The following TANC2 variants were observed in gnomAD, a reference collection of about 807,000 sequenced individuals.
TANC2 encodes the protein protein TANC2.
In TANC2, 26 loss-of-function variants were observed where a neutral mutation model predicts 210.5. That is an observed-to-expected ratio of 0.12 (90% confidence interval 0.09 to 0.17). TANC2 has a LOEUF of 0.17. TANC2 is among the 10% of genes least tolerant of loss of function. TANC2 has a pLI of 1.00. For missense variants in TANC2, 2,129 were observed against 2,608.9 expected (o/e 0.82, Z 4.01); for synonymous variants, 931 against 967.1 (o/e 0.96, Z 0.69).
At chr17:63,195,605 C>T (rs920393122) in intron 6 of TANC2, among the ~76,000 whole-genome samples, 2 of 152,130 alleles carry the variant, frequency 1.3e-5, no homozygotes, top group African/African-American at 4.8e-5. Flanking sequence ...TTGCCGTATC[C>T]TCTGCCCCTA....
Position 63,126,340 on chromosome 17 carries a change from A to C in TANC2, c.323-24930A>C, listed in dbSNP as rs145841873. On this transcript the variant is annotated intron_variant, in intron 4 of 27. Coordinates refer to ENST00000689528, the Ensembl canonical transcript of TANC2. The stretch of plus-strand genomic sequence containing the variant: ...TGAATGCCTTCGGCTAAGCAGGCCA[A>C]AGCAGATAACACTATTATGATGTTA... Among the ~76,000 whole-genome samples, 631 of 152,328 alleles carry C rather than the reference A, an allele frequency of 4.1e-3. 5 individuals are homozygous for C. The highest frequency in any genetic ancestry group is 0.013 in the African/African-American group (550 of 41,568).
chr17:63,180,090 G>A (rs1048624685), intron 5 of TANC2, among the ~76,000 whole-genome samples: 5 of 151,796 alleles, frequency 3.3e-5, no homozygotes, highest in African/African-American at 9.7e-5. Context: ...GGCTGATCGT[G>A]TCACTGAACT....
intron 25 of TANC2, among the ~76,000 whole-genome samples, chr17:63,415,193 T>G (rs182417881): frequency 6.6e-6 from 1 of 152,338 alleles, no homozygotes; most frequent in Non-Finnish European, 1.5e-5. Context: ...ATATGTGTTA[T>G]AGAGAGCAAA....
intron 2 of TANC2, among the ~76,000 whole-genome samples, chr17:63,043,602 A>C (rs1178741902): frequency 6.6e-6 from 1 of 152,138 alleles, no homozygotes; most frequent in African/African-American, 2.4e-5. Context: ...CTTTTCCTCT[A>C]GTAATTGAAG....
At chr17:63,210,892 CT>C (rs974502804) in intron 7 of TANC2, among the ~76,000 whole-genome samples, 2 of 151,988 alleles carry the variant, frequency 1.3e-5, no homozygotes, top group African/African-American at 4.8e-5. Context: ...AGTTTTTAAT[CT>C]TTTTAAAATT....
intron 4 of TANC2, among the ~76,000 whole-genome samples, chr17:63,135,290 G>T (rs1396574932): frequency 1.3e-5 from 2 of 152,160 alleles, no homozygotes; most frequent in African/African-American, 4.8e-5. Flanking sequence ...TATCTGTTAT[G>T]TACTGTTGCA....
In TANC2 at chr17:63,104,920, G is replaced by C. The variant is rs897972378; in HGVS notation, c.322+5563G>C. On this transcript the variant is annotated intron_variant, in intron 4 of 27. Transcript: ENST00000689528. ...TATTTCTAAACTAGGGTTGATAATAGTATCTACCCCATAGGAGTAATAAGA... is the reference window on the plus strand; with the variant it reads ...TATTTCTAAACTAGGGTTGATAATACTATCTACCCCATAGGAGTAATAAGA... 2.0e-5 allele frequency among the ~76,000 whole-genome samples: 3 copies of C among 151,682 alleles called. No individual in the cohort carries two copies. The East Asian group carries it at 5.8e-4, about 29-fold the overall frequency.
At chr17:63,135,089 G>A (rs567812777) in intron 4 of TANC2, among the ~76,000 whole-genome samples, 74 of 152,178 alleles carry the variant, frequency 4.9e-4, no homozygotes, top group African/African-American at 1.7e-3. Flanking sequence ...GGTAGCATGC[G>A]CCTGTGGTCC....
intron 2 of TANC2, among the ~76,000 whole-genome samples, chr17:63,069,996 A>G (rs2036338128): frequency 1.3e-5 from 2 of 152,154 alleles, no homozygotes. Context: ...TTATTTCCTT[A>G]TTAACTATCA....
intron 1 of TANC2, among the ~76,000 whole-genome samples, chr17:63,005,896 T>TG (rs377374431): frequency 1.4e-4 from 18 of 132,844 alleles, no homozygotes; most frequent in African/African-American, 4.8e-4. Context: ...GCTGTATAGT[T>TG]TGTGTGTGTG....
intron 12 of TANC2, among the ~76,000 whole-genome samples, chr17:63,349,983 T>G (rs955411164): frequency 2.0e-5 from 3 of 152,196 alleles, no homozygotes; most frequent in African/African-American, 7.2e-5. Context: ...CCCTAAAAAC[T>G]TGGCAGATGA....
At chr17:63,099,920 A>G (rs1411844330) in intron 4 of TANC2, among the ~76,000 whole-genome samples, 4 of 152,168 alleles carry the variant, frequency 2.6e-5, no homozygotes, top group Non-Finnish European at 4.4e-5. Context: ...ATTTAGATCA[A>G]GTTGTTAGGT....
intron 7 of TANC2, among the ~76,000 whole-genome samples, chr17:63,209,657 ACTC>A (rs1464377026): frequency 6.7e-6 from 1 of 150,258 alleles, no homozygotes; most frequent in Non-Finnish European, 1.5e-5. Flanking sequence ...CTGGTCTCGA[ACTC>A]CTGACCTCGT....
At chr17:63,010,133 A>G (rs1444588892) in intron 2 of TANC2, among the ~76,000 whole-genome samples, 1 of 152,176 alleles carries the variant, frequency 6.6e-6, no homozygotes, top group Admixed American at 6.5e-5. Context: ...TTGGTAAAAA[A>G]TATTGAAAAG....
chr17:63,327,049 T>A, intron 11 of TANC2, among the ~76,000 whole-genome samples: 1 of 151,942 alleles, frequency 6.6e-6, no homozygotes, highest in Non-Finnish European at 1.5e-5. Flanking sequence ...ACAACCTGAT[T>A]AAAAAAATGG....
At chr17:63,168,719 T>A (rs1162830268) in intron 5 of TANC2, among the ~76,000 whole-genome samples, 1 of 152,216 alleles carries the variant, frequency 6.6e-6, no homozygotes, top group Admixed American at 6.5e-5. Flanking sequence ...GATATTTGAG[T>A]TTGTAACCTT....
intron 9 of TANC2, among the ~76,000 whole-genome samples, chr17:63,297,938 C>G (rs1374549642): frequency 2.0e-5 from 3 of 151,846 alleles, no homozygotes; most frequent in African/African-American, 4.8e-5. Context: ...GTACAGATGT[C>G]TAGCTTATGA....
intron 9 of TANC2, among the ~76,000 whole-genome samples, chr17:63,282,531 T>G (rs1473726539): frequency 6.6e-6 from 1 of 152,130 alleles, no homozygotes; most frequent in Non-Finnish European, 1.5e-5. Context: ...GGTTTCACCA[T>G]TGAATTCTAT....
At chr17:63,297,955 G>T (rs182992984) in intron 9 of TANC2, among the ~76,000 whole-genome samples, 1 of 152,096 alleles carries the variant, frequency 6.6e-6, no homozygotes, top group East Asian at 1.9e-4. Context: ...ATGAAAAGAT[G>T]TTCAACATCA....
Sources: gnomAD v4.1 joint callset for allele counts (sites outside exome capture counted in the v4.1 genomes callset) on GRCh38, gnomAD v4.1.1 for gene constraint, MANE v1.5 for transcripts, NCBI Gene and HGNC (gene_info 2026-07-23, HGNC 2026-07-21) for gene names.